Variants in POLR3G observed in about 807,000 individuals in gnomAD.
POLR3G encodes the protein RNA polymerase III subunit G.
POLR3G carries 28 observed loss-of-function variants against 30.1 expected under a neutral mutation model. The observed-to-expected ratio is 0.93, with a 90% CI of 0.69 to 1.27. The LOEUF (loss-of-function observed/expected upper bound fraction) is 1.27, where lower values mean the gene tolerates loss of function less well. Ranked by LOEUF, POLR3G falls within the 50% of genes most tolerant of loss-of-function variation. POLR3G has a pLI of 0.00. For missense variants in POLR3G, 254 were observed against 264.6 expected, an observed-to-expected ratio of 0.96 and a Z score of 0.28; for synonymous variants, 79 against 82.5, an observed-to-expected ratio of 0.96 and a Z score of 0.23.
intron 3 of POLR3G, among the ~76,000 whole-genome samples, chr5:90,489,517 C>G (rs928882093): frequency 6.6e-6 from 1 of 151,834 alleles, no homozygotes; most frequent in Admixed American, 6.6e-5. Context: ...CCCATCTCAG[C>G]CACCCAAAGT....
At chr5:90,508,313 C>T (rs1329251930) in intron 7 of POLR3G, among the ~76,000 whole-genome samples, 1 of 151,296 alleles carries the variant, frequency 6.6e-6, no homozygotes, top group Non-Finnish European at 1.5e-5. Flanking sequence ...AACTCAGTGT[C>T]TTCCTTCCTC....
chr5:90,497,536 A>G (rs141810973), intron 4 of POLR3G, 120 bp from the exon 5 acceptor site: 304 of 1,160,802 alleles, frequency 2.6e-4, no homozygotes, highest in Admixed American at 1.2e-3. Flanking sequence ...TTGTAAAGTC[A>G]GATACTAAGG....
chr5:90,487,612 C>T (rs1404766452), intron 2 of POLR3G, among the ~76,000 whole-genome samples: 10 of 151,754 alleles, frequency 6.6e-5, no homozygotes, highest in Admixed American at 5.3e-4. Context: ...AGGATGGTCT[C>T]GATCTCCTGA....
rs374250365 is a variant in POLR3G, at chr5:90,485,701, T to C, written c.117+17T>C. The stretch of plus-strand genomic sequence containing the variant: ...CTATTTCCTGTAAGTATATGAACAG[T>C]TGAATTCTCATAGTGTGTTTTTTCA... On this transcript the variant is annotated intron_variant, in intron 2 of 7. Coordinates refer to ENST00000651687, the MANE Select transcript of POLR3G (RefSeq NM_006467.3). The C allele has an allele frequency of 5.2e-6, 8 of 1,548,912 alleles. No individual in the cohort carries two copies. Among genetic ancestry groups the C allele is most frequent in the Non-Finnish European group, 7.1e-6 (8 of 1,124,988 alleles).
intron 1 of POLR3G, among the ~76,000 whole-genome samples, chr5:90,481,761 T>G (rs1751133915): frequency 6.6e-6 from 1 of 152,204 alleles, no homozygotes; most frequent in Non-Finnish European, 1.5e-5. Flanking sequence ...GTAAAAACAT[T>G]TATGTGATAA....
At chr5:90,477,640 T>C (rs1214249987) in intron 1 of POLR3G, among the ~76,000 whole-genome samples, 1 of 152,220 alleles carries the variant, frequency 6.6e-6, no homozygotes, top group Non-Finnish European at 1.5e-5. Context: ...CTGCCTCCTC[T>C]AGCTTCTATG....
rs1752057896 is a variant in POLR3G, at chr5:90,497,711, A to G, written c.355+5A>G. 1.9e-6 allele frequency: 3 copies of G among 1,602,592 alleles called. No homozygotes were observed. The East Asian group carries it at 6.8e-5, about 36-fold the overall frequency. On this transcript the variant is annotated splice_donor_5th_base_variant and intron_variant, in intron 5 of 7. Transcript: ENST00000651687. ...CAAGAAATAAATGTAAAAAAGGTAC[A>G]TTGACTAATATAATAGTAATTCAGG...
chr5:90,497,282 A>AT (rs1296106495), intron 4 of POLR3G, among the ~76,000 whole-genome samples: 1 of 152,166 alleles, frequency 6.6e-6, no homozygotes, highest in Non-Finnish European at 1.5e-5. Flanking sequence ...CATAAGAAAT[A>AT]TATCAACTAC....
chr5:90,483,638 C>T (rs1751261150), intron 1 of POLR3G, among the ~76,000 whole-genome samples: 1 of 151,794 alleles, frequency 6.6e-6, no homozygotes, highest in Non-Finnish European at 1.5e-5. Context: ...AACCCCGTCT[C>T]TACTAAAAAA....
At chr5:90,502,081 CT>C (rs1752272952) in intron 6 of POLR3G, 93 bp downstream of exon 6, 1 of 1,506,558 alleles carries the variant, frequency 6.6e-7, no homozygotes, top group African/African-American at 1.4e-5. Flanking sequence ...CATTCTCTTA[CT>C]TTTTAATAAT....
chr5:90,491,140 A>G (rs1464484542), intron 3 of POLR3G, among the ~76,000 whole-genome samples: 1 of 152,206 alleles, frequency 6.6e-6, no homozygotes, highest in Non-Finnish European at 1.5e-5. Flanking sequence ...TGGAATGAAC[A>G]TATTTCATGT....
chr5:90,502,243 A>AT, intron 6 of POLR3G: 25 of 983,678 alleles, frequency 2.5e-5, no homozygotes, highest in Non-Finnish European at 3.0e-5. Flanking sequence ...TTTTCACTGT[A>AT]TCCCCCTTTC....
intron 6 of POLR3G, 75 bp downstream of exon 6, chr5:90,502,063 C>G (rs1752272158): frequency 1.3e-6 from 2 of 1,539,346 alleles, no homozygotes; most frequent in African/African-American, 2.8e-5. Flanking sequence ...TCTGTTTCAA[C>G]CTTTCAGCAT....
intron 7 of POLR3G, among the ~76,000 whole-genome samples, chr5:90,508,658 A>G (rs1379458096): frequency 6.6e-6 from 1 of 152,076 alleles, no homozygotes; most frequent in Non-Finnish European, 1.5e-5. Flanking sequence ...GACAAATAGA[A>G]GTAGCTTAAA....
upstream of POLR3G, chr5:90,474,208 G>C (rs369779142): frequency 2.9e-5 from 47 of 1,612,164 alleles, no homozygotes; most frequent in Non-Finnish European, 4.0e-5. Context: ...ATGTTGGCAC[G>C]GTTGCCCGAC....
chr5:90,504,779 C>T lies in POLR3G; in HGVS notation c.439-1749C>T, dbSNP rs1309540110. Among the ~76,000 whole-genome samples the T allele has an allele frequency of 2.0e-5, 3 of 152,058 alleles. No individual in the cohort carries two copies. The East Asian group carries it at 5.8e-4, about 29-fold the overall frequency. On this transcript the variant is annotated intron_variant, in intron 6 of 7. Coordinates refer to ENST00000651687, the MANE Select transcript of POLR3G (RefSeq NM_006467.3). The stretch of plus-strand genomic sequence containing the variant: ...GTAAAAAAATATAATATTAACATAC[C>T]ATCAAATATGTGTGTGTATATCTTA...
At chr5:90,497,480 TTGTC>T (rs1364879174) in intron 4 of POLR3G, among the ~76,000 whole-genome samples, 172 bp from the exon 5 acceptor site, 1 of 152,182 alleles carries the variant, frequency 6.6e-6, no homozygotes, top group African/African-American at 2.4e-5. Context: ...AAATATATCA[TTGTC>T]TGTAATATTT....
At chr5:90,476,218 T>A (rs1015286160) in intron 1 of POLR3G, among the ~76,000 whole-genome samples, 4 of 152,172 alleles carry the variant, frequency 2.6e-5, no homozygotes, top group African/African-American at 9.7e-5. Flanking sequence ...GCATGCAGCT[T>A]TTCTAAATAC....
chr5:90,488,529 G>T (rs1295434820), intron 3 of POLR3G, among the ~76,000 whole-genome samples: 1 of 151,854 alleles, frequency 6.6e-6, no homozygotes, highest in Non-Finnish European at 1.5e-5. Flanking sequence ...TAGCATATTA[G>T]CATTTTCACA....
Sources: allele counts gnomAD v4.1 joint callset (sites outside exome capture counted in the v4.1 genomes callset), GRCh38; gene constraint gnomAD v4.1.1; transcripts MANE v1.5; gene names NCBI Gene and HGNC (gene_info 2026-07-23, HGNC 2026-07-21).